SPOCK3: variants seen among roughly 807,000 people sequenced by gnomAD.
The protein encoded by SPOCK3 is SPARC (osteonectin), cwcv and kazal like domains proteoglycan 3.
A neutral mutation model predicts 56.6 loss-of-function variants in SPOCK3; 30 were observed. That is an observed-to-expected ratio of 0.53 (90% CI 0.40 to 0.72). The LOEUF (loss-of-function observed/expected upper bound fraction) is 0.72. Among genes scored for constraint, SPOCK3 ranks in the 30% least tolerant of loss-of-function variants. The pLI is 0.00. For synonymous variants in SPOCK3, 196 were observed against 183.3 expected (o/e 1.07, Z -0.56); for missense variants, 527 against 530.0 (o/e 0.99, Z 0.06).
At chr4:166,898,981 G>GA (rs1300849184) in intron 5 of SPOCK3, among the ~76,000 whole-genome samples, 1 of 151,980 alleles carries the variant, frequency 6.6e-6, no homozygotes, top group East Asian at 1.9e-4. Context: ...GGTCTGGATA[G>GA]AATAAAAAAG....
intron 4 of SPOCK3, among the ~76,000 whole-genome samples, chr4:166,956,220 T>TACAC (rs70957803): frequency 9.2e-4 from 138 of 149,734 alleles, no homozygotes; most frequent in African/African-American, 2.8e-3. Context: ...ACCACACACA[T>TACAC]ACACACACAC....
chr4:167,128,729 T>C (rs1462891325), intron 2 of SPOCK3, among the ~76,000 whole-genome samples: 1 of 152,130 alleles, frequency 6.6e-6, no homozygotes, highest in East Asian at 1.9e-4. Context: ...ATTCAAAGGG[T>C]TGGAAACTAG....
At chr4:166,770,695 A>G (rs1328858252) in intron 7 of SPOCK3, among the ~76,000 whole-genome samples, 1 of 152,214 alleles carries the variant, frequency 6.6e-6, no homozygotes, top group Non-Finnish European at 1.5e-5. Flanking sequence ...TTAAATTAAT[A>G]TGGTCTAACC....
chr4:167,084,439 C>T (rs1758005299), intron 2 of SPOCK3, among the ~76,000 whole-genome samples: 1 of 152,044 alleles, frequency 6.6e-6, no homozygotes, highest in Non-Finnish European at 1.5e-5. Context: ...CATTGATACT[C>T]AATGTCACTG....
At chr4:167,223,110 TA>T (rs1561342006) in intron 2 of SPOCK3, among the ~76,000 whole-genome samples, 3 of 88,786 alleles carry the variant, frequency 3.4e-5, no homozygotes, top group African/African-American at 1.9e-4. Flanking sequence ...TATGAATATA[TA>T]ATATATATTT....
chr4:166,853,521 ACTCT>A (rs1211162878), intron 6 of SPOCK3, among the ~76,000 whole-genome samples: 6 of 151,856 alleles, frequency 4.0e-5, no homozygotes, highest in Middle Eastern at 3.4e-3. Flanking sequence ...AGGCATTAAA[ACTCT>A]CTCTCAATTT....
chr4:167,114,820 T>C (rs1023224298), intron 2 of SPOCK3, among the ~76,000 whole-genome samples: 3 of 152,032 alleles, frequency 2.0e-5, no homozygotes, highest in African/African-American at 4.8e-5. Flanking sequence ...ACGTTAACCA[T>C]GTGCTAAAGA....
At chr4:166,876,219 A>T (rs1733062598) in intron 6 of SPOCK3, among the ~76,000 whole-genome samples, 2 of 152,186 alleles carry the variant, frequency 1.3e-5, no homozygotes, top group Admixed American at 1.3e-4. Flanking sequence ...TTATTCCAAG[A>T]ATGTTTGCTT....
rs541020085 is a variant in SPOCK3 at position 166,908,661 on chromosome 4, T to C, written c.474+3959A>G. Among the ~76,000 whole-genome samples, 5 of 152,108 alleles carry C rather than the reference T, an allele frequency of 3.3e-5. No individual in the cohort carries two copies. The East Asian group carries it at 9.7e-4, about 29-fold the overall frequency. On this transcript the variant is annotated intron_variant, in intron 5 of 10. Coordinates refer to ENST00000357545, the MANE Select transcript of SPOCK3 (RefSeq NM_001040159.2). ...TATGATAGAAAAGAGTTTAAAATCATCCACTGTTGTCCTCAGGGAATTTAT... is the reference window on the plus strand; with the variant it reads ...TATGATAGAAAAGAGTTTAAAATCACCCACTGTTGTCCTCAGGGAATTTAT...
At chr4:166,971,936 G>A (rs1745431457) in intron 4 of SPOCK3, among the ~76,000 whole-genome samples, 1 of 152,116 alleles carries the variant, frequency 6.6e-6, no homozygotes, top group Admixed American at 6.6e-5. Flanking sequence ...AAGGTACAGT[G>A]TACTTTTGCT....
At chr4:166,917,512 G>A (rs936248316) in intron 4 of SPOCK3, among the ~76,000 whole-genome samples, 1 of 151,994 alleles carries the variant, frequency 6.6e-6, no homozygotes, top group Admixed American at 6.6e-5. Flanking sequence ...TAGCTCCACT[G>A]GAGTAAATGT....
intron 4 of SPOCK3, among the ~76,000 whole-genome samples, chr4:166,953,737 A>G (rs1005902989): frequency 1.3e-5 from 2 of 152,248 alleles, no homozygotes; most frequent in African/African-American, 4.8e-5. Context: ...CATATACACC[A>G]TGGAATACTA....
chr4:167,032,753 C>A (rs553274309), intron 3 of SPOCK3, among the ~76,000 whole-genome samples: 8 of 151,986 alleles, frequency 5.3e-5, no homozygotes, highest in Non-Finnish European at 8.8e-5. Context: ...AAGATCTCAA[C>A]TTAAATGACA....
chr4:167,058,331 T>C (rs1755147515), intron 3 of SPOCK3, among the ~76,000 whole-genome samples: 1 of 152,246 alleles, frequency 6.6e-6, no homozygotes, highest in East Asian at 1.9e-4. Flanking sequence ...TGTACAAAAA[T>C]CACAAGCATT....
chr4:167,050,581 A>G (rs1754109927), intron 3 of SPOCK3, among the ~76,000 whole-genome samples: 2 of 152,252 alleles, frequency 1.3e-5, no homozygotes, highest in African/African-American at 2.4e-5. Flanking sequence ...AGAGACCCAA[A>G]CATATTTAGA....
At chr4:166,968,416 T>G (rs372979589) in intron 4 of SPOCK3, among the ~76,000 whole-genome samples, 133 of 152,252 alleles carry the variant, frequency 8.7e-4, no homozygotes, top group African/African-American at 2.9e-3. Flanking sequence ...GAAAAAATGC[T>G]TTTTGGAGGG....
chr4:167,078,981 A>G (rs1013067831), intron 2 of SPOCK3, among the ~76,000 whole-genome samples: 4 of 151,850 alleles, frequency 2.6e-5, no homozygotes, highest in African/African-American at 9.7e-5. Context: ...GAGCAGTTTT[A>G]CAATCACTGG....
intron 9 of SPOCK3, among the ~76,000 whole-genome samples, chr4:166,737,886 T>G (rs761926916): frequency 2.2e-4 from 34 of 152,104 alleles, no homozygotes; most frequent in Admixed American, 1.3e-4. Flanking sequence ...GTGCAAAGGG[T>G]AGTGTTTCAG....
chr4:167,119,460 T>C (rs1161948565), intron 2 of SPOCK3, among the ~76,000 whole-genome samples: 1 of 152,264 alleles, frequency 6.6e-6, no homozygotes, highest in Non-Finnish European at 1.5e-5. Flanking sequence ...TAATATCCCT[T>C]AAAAATAAGT....
Sources: allele counts gnomAD v4.1 joint callset (sites outside exome capture counted in the v4.1 genomes callset), GRCh38; gene constraint gnomAD v4.1.1; transcripts MANE v1.5; gene names NCBI Gene and HGNC (gene_info 2026-07-23, HGNC 2026-07-21).